Variants in UROS observed in about 807,000 individuals in gnomAD.
UROS encodes uroporphyrinogen-III synthase.
A neutral mutation model predicts 33.0 loss-of-function variants in UROS; 18 were observed. The ratio of observed to expected loss-of-function variants is 0.55; its 90% CI spans 0.38 to 0.81. UROS has a LOEUF of 0.81. Among genes scored for constraint, UROS ranks in the 30% least tolerant of loss-of-function variants. The probability of loss-of-function intolerance (pLI) is 0.00; values close to 1 mark genes in which losing one functional copy is unlikely to be tolerated. For missense variants in UROS, 293 were observed against 314.9 expected, an observed-to-expected ratio of 0.93 and a Z score of 0.53; for synonymous variants, 114 against 121.1, an observed-to-expected ratio of 0.94 and a Z score of 0.38.
chr10:125,816,164 C>G lies in UROS; in HGVS notation c.147+13G>C. ...CAAACACTAACATGGTGCTCAGTCA[C>G]AACAGGCCTTACCTTCTCAGAGAAA... On this transcript the variant is annotated intron_variant, in intron 3 of 9. Coordinates refer to ENST00000368797, the MANE Select transcript of UROS (RefSeq NM_000375.3). 1 of 1,612,904 alleles carries G rather than the reference C, an allele frequency of 6.2e-7. No homozygotes were observed. Among genetic ancestry groups the G allele is most frequent in the Non-Finnish European group, 8.5e-7 (1 of 1,178,846 alleles).
intron 5 of UROS, among the ~76,000 whole-genome samples, chr10:125,807,791 G>A (rs1378043266): frequency 6.6e-6 from 1 of 152,176 alleles, no homozygotes; most frequent in African/African-American, 2.4e-5. Context: ...TTTAAGGATC[G>A]TGTCAGATAA....
downstream of UROS, among the ~76,000 whole-genome samples, chr10:125,787,754 C>A (rs10901432): frequency 0.43 from 65,690 of 151,928 alleles, 14,445 homozygotes; most frequent in Non-Finnish European, 0.47. Flanking sequence ...ACCATAATCC[C>A]GTTTTAGAAC....
At chr10:125,812,068 ATT>A (rs1564797615) in intron 5 of UROS, 144 bp downstream of exon 5, 6 of 705,516 alleles carry the variant, frequency 8.5e-6, no homozygotes, top group Non-Finnish European at 1.4e-5. Context: ...GTTTCACTGC[ATT>A]CTTATCAGTA....
At chr10:125,810,185 G>A (rs940647309) in intron 5 of UROS, among the ~76,000 whole-genome samples, 18 of 152,180 alleles carry the variant, frequency 1.2e-4, no homozygotes, top group Admixed American at 5.2e-4. Context: ...TCATCCCTCC[G>A]CTTGAGTGTG....
rs549476443 is a variant in UROS at position 125,820,546 on chromosome 10, G to C, written c.-27+2483C>G. Among the ~76,000 whole-genome samples the C allele has an allele frequency of 4.6e-5, 7 of 152,264 alleles. No individual in the cohort carries two copies. In the South Asian group the frequency reaches 1.2e-3, roughly 27 times the overall value. ...GAAAACAACTTCACAGACACACCAAGAAATAATGTTTAACCAGATATCTGG... is the reference window on the plus strand; with the variant it reads ...GAAAACAACTTCACAGACACACCAACAAATAATGTTTAACCAGATATCTGG... On this transcript the variant is annotated intron_variant, in intron 1 of 9. Transcript: ENST00000368797.
In UROS at chr10:125,812,502, C is replaced by T. The variant is rs866514087; in HGVS notation, c.245-214G>A. ...AATTGCTTTCATAAATGTTTTAGTA[C>T]TCCTTGCTTGAAATATTAGCCTATC... On this transcript the variant is annotated intron_variant, in intron 4 of 9. Coordinates refer to ENST00000368797, the MANE Select transcript of UROS (RefSeq NM_000375.3). 4.1e-4 allele frequency among the ~76,000 whole-genome samples: 62 copies of T among 152,308 alleles called. 1 individual carries two copies. The highest frequency in any genetic ancestry group is 6.8e-3 in the Middle Eastern group (2 of 294).
In UROS at chr10:125,816,078, G is replaced by A. The variant is rs530022642; in HGVS notation, c.147+99C>T. 95 of 1,212,640 alleles carry A rather than the reference G, an allele frequency of 7.8e-5. No homozygotes were observed. In the African/African-American group the frequency reaches 1.1e-3, roughly 14 times the overall value. The allele number at this position is 1,212,640 out of a possible 1,614,324, so 75.1% of individuals were successfully genotyped here. A position where few individuals can be genotyped will look rare whatever the true frequency, so the allele number is the denominator to read the frequency against. ...TTATGCTGCCATGTTTTAAAGTTTG[G>A]GAATAAAATAAGAAGACAGTAAAAT... On this transcript the variant is annotated intron_variant, in intron 3 of 9. Transcript: ENST00000368797.
Position 125,795,009 on chromosome 10 carries a change from T to C in UROS, c.562-31A>G, listed in dbSNP as rs953498727. 1.9e-6 allele frequency: 3 copies of C among 1,572,822 alleles called. No homozygotes were observed. In the African/African-American group the frequency reaches 4.1e-5, roughly 21 times the overall value. On this transcript the variant is annotated intron_variant, in intron 8 of 9. Coordinates refer to ENST00000368797, the MANE Select transcript of UROS (RefSeq NM_000375.3). ...GGGAACAGAAAACAAGATCAGTCCTTGCCATGAGACTGAGGAGAGACAACA... is the reference window on the plus strand; with the variant it reads ...GGGAACAGAAAACAAGATCAGTCCTCGCCATGAGACTGAGGAGAGACAACA...
At chr10:125,821,347 A>T (rs949871977) in intron 1 of UROS, among the ~76,000 whole-genome samples, 15 of 152,262 alleles carry the variant, frequency 9.9e-5, no homozygotes, top group African/African-American at 3.6e-4. Context: ...AGCATGGGAT[A>T]AACTTTGAAG....
intron 9 of UROS, among the ~76,000 whole-genome samples, chr10:125,790,752 C>T (rs1201704945): frequency 7.0e-6 from 1 of 141,936 alleles, no homozygotes; most frequent in African/African-American, 2.7e-5. Context: ...CACTGCACTC[C>T]AACCTGGGCA....
chr10:125,822,372 G>C (rs1025136924), intron 1 of UROS, among the ~76,000 whole-genome samples: 1 of 151,148 alleles, frequency 6.6e-6, no homozygotes, highest in Non-Finnish European at 1.5e-5. Context: ...CTGGAGTGTG[G>C]AGTGCGGTGG....
chr10:125,809,380 A>G lies in UROS; in HGVS notation c.320-1893T>C, dbSNP rs182014012. On this transcript the variant is annotated intron_variant, in intron 5 of 9. Coordinates refer to ENST00000368797, the MANE Select transcript of UROS (RefSeq NM_000375.3). ...CTGAGTTGCAAGGTATCAAACCACA[A>G]GCCAACCATCTTTGCTTTTTCAATA... Among the ~76,000 whole-genome samples the G allele has an allele frequency of 2.6e-5, 4 of 152,390 alleles. No individual in the cohort carries two copies. The East Asian group carries it at 7.7e-4, about 29-fold the overall frequency.
intron 1 of UROS, among the ~76,000 whole-genome samples, chr10:125,821,538 G>A (rs1853895918): frequency 6.6e-6 from 1 of 152,224 alleles, no homozygotes; most frequent in Non-Finnish European, 1.5e-5. Flanking sequence ...CCAATGGATA[G>A]TGGTGGTGAT....
At chr10:125,816,139 C>T in intron 3 of UROS, 38 bp downstream of exon 3, 1 of 1,583,952 alleles carries the variant, frequency 6.3e-7, no homozygotes, top group South Asian at 1.1e-5. Flanking sequence ...AGGGAGAAAT[C>T]AAACACTAAC....
At chr10:125,807,877 G>A (rs79094528) in intron 5 of UROS, among the ~76,000 whole-genome samples, 2,336 of 152,288 alleles carry the variant, frequency 0.015, 36 homozygotes, top group Non-Finnish European at 0.024. Flanking sequence ...GAGATGATGG[G>A]CATTTGGTAC....
At chr10:125,802,785 C>A (rs1005869837) in intron 6 of UROS, 1 of 1,432,578 alleles carries the variant, frequency 7.0e-7, no homozygotes, top group Non-Finnish European at 9.1e-7. Context: ...GAACTCCCAG[C>A]GGTACAGACT....
chr10:125,800,950 G>A (rs1018115931), intron 6 of UROS, among the ~76,000 whole-genome samples: 2 of 152,168 alleles, frequency 1.3e-5, no homozygotes, highest in Non-Finnish European at 2.9e-5. Context: ...CTGGTCATGA[G>A]ACAAGAACCC....
At chr10:125,807,341 T>C (rs946411974) in intron 6 of UROS, 72 bp downstream of exon 6, 6 of 1,319,496 alleles carry the variant, frequency 4.5e-6, no homozygotes, top group South Asian at 2.4e-5. Flanking sequence ...GAAATATTCT[T>C]TTCCCTAGGT....
chr10:125,799,813 T>G (rs1162894371), intron 6 of UROS, among the ~76,000 whole-genome samples: 2 of 150,632 alleles, frequency 1.3e-5, no homozygotes, highest in Non-Finnish European at 3.0e-5. Flanking sequence ...AGTCCTCCTT[T>G]GCTGGTGAGG....
Sources: gnomAD v4.1 joint callset for allele counts (sites outside exome capture counted in the v4.1 genomes callset) on GRCh38, gnomAD v4.1.1 for gene constraint, MANE v1.5 for transcripts, NCBI Gene and HGNC (gene_info 2026-07-23, HGNC 2026-07-21) for gene names.